Variants in WWOX observed in about 807,000 individuals in gnomAD.
WWOX encodes the protein WW domain containing oxidoreductase.
In WWOX, 69 loss-of-function variants were observed where a neutral mutation model predicts 46.2. That is an observed-to-expected ratio of 1.49 (90% CI 1.23 to 1.82). WWOX has a LOEUF of 1.82. Ranked by LOEUF, WWOX falls within the 40% of genes most tolerant of loss-of-function variation. The probability of loss-of-function intolerance (pLI) is 0.00; values close to 1 mark genes in which losing one functional copy is unlikely to be tolerated. For missense variants in WWOX, 919 were observed against 542.6 expected, an observed-to-expected ratio of 1.69 and a Z score of -6.89; for synonymous variants, 359 against 202.6, an observed-to-expected ratio of 1.77 and a Z score of -6.56.
intron 8 of WWOX, among the ~76,000 whole-genome samples, chr16:78,939,586 C>T (rs1279341514): frequency 6.6e-6 from 1 of 152,154 alleles, no homozygotes; most frequent in East Asian, 1.9e-4. Flanking sequence ...TATATGGCTA[C>T]TGAAATGGCT....
intron 5 of WWOX, among the ~76,000 whole-genome samples, chr16:78,219,304 G>A (rs12449031): frequency 0.23 from 34,586 of 152,008 alleles, 4,146 homozygotes; most frequent in Admixed American, 0.31. Context: ...TGAGTGTTTT[G>A]CTCTTCTTGT....
At chr16:78,226,402 G>A (rs959032688) in intron 5 of WWOX, among the ~76,000 whole-genome samples, 4 of 150,074 alleles carry the variant, frequency 2.7e-5, no homozygotes, top group Non-Finnish European at 4.4e-5. Context: ...TTTTTTTTCT[G>A]ATGCTGCCTA....
At chr16:78,623,584 G>C (rs1335221464) in intron 8 of WWOX, among the ~76,000 whole-genome samples, 1 of 152,068 alleles carries the variant, frequency 6.6e-6, no homozygotes, top group East Asian at 1.9e-4. Flanking sequence ...AGAGGCTGAG[G>C]GATGAGAATC....
chr16:78,381,439 T>C (rs184246737), intron 5 of WWOX, among the ~76,000 whole-genome samples: 1,641 of 141,568 alleles, frequency 0.012, 28 homozygotes, highest in African/African-American at 0.038. Flanking sequence ...GGTTGTTTGA[T>C]TATGACCTTC....
At chr16:78,524,234 T>C (rs1173050207) in intron 8 of WWOX, among the ~76,000 whole-genome samples, 2 of 152,174 alleles carry the variant, frequency 1.3e-5, no homozygotes, top group African/African-American at 2.4e-5. Context: ...CTAAAGGCAC[T>C]TGTCATGGTG....
At chr16:78,652,595 C>A (rs2046991794) in intron 8 of WWOX, among the ~76,000 whole-genome samples, 1 of 152,068 alleles carries the variant, frequency 6.6e-6, no homozygotes, top group Admixed American at 6.6e-5. Flanking sequence ...CGGGGTCTCC[C>A]TGTGTTACCT....
At chr16:78,887,294 G>C (rs2044485245) in intron 8 of WWOX, among the ~76,000 whole-genome samples, 2 of 151,854 alleles carry the variant, frequency 1.3e-5, no homozygotes, top group South Asian at 4.2e-4. Flanking sequence ...GATTTCTCCT[G>C]ACTCTCTATG....
chr16:78,845,159 C>G lies in WWOX; in HGVS notation c.1057-366449C>G, dbSNP rs143707646. ...TTTTTTTTTTTTTTTAATCAAATAC[C>G]AAAGTACTTCTATGGACTGGTCTTA... On this transcript the variant is annotated intron_variant, in intron 8 of 8. Coordinates refer to ENST00000566780, the MANE Select transcript of WWOX (RefSeq NM_016373.4). Among the ~76,000 whole-genome samples, 926 of 144,716 alleles carry G rather than the reference C, an allele frequency of 6.4e-3. 16 individuals carry two copies. The highest frequency in any genetic ancestry group is 0.022 in the African/African-American group (860 of 39,236). 94.9% of individuals were successfully genotyped at this position (144,716 alleles called of 152,430 possible).
intron 8 of WWOX, among the ~76,000 whole-genome samples, chr16:78,966,573 T>C (rs535894685): frequency 6.6e-6 from 1 of 152,310 alleles, no homozygotes; most frequent in South Asian, 2.1e-4. Context: ...TTTTCCTTAC[T>C]ATAAGTAAGG....
chr16:78,624,742 C>T (rs999845375), intron 8 of WWOX, among the ~76,000 whole-genome samples: 32 of 152,308 alleles, frequency 2.1e-4, no homozygotes, highest in African/African-American at 7.5e-4. Context: ...AATTCTCCAG[C>T]ACCCTGGCTG....
chr16:79,001,640 A>T (rs1264961287), intron 8 of WWOX, among the ~76,000 whole-genome samples: 1 of 151,420 alleles, frequency 6.6e-6, no homozygotes, highest in Non-Finnish European at 1.5e-5. Flanking sequence ...ACTCTATATT[A>T]TGTGGGAAAA....
rs538409623 is a variant in WWOX, at chr16:79,078,583, G to C, written c.1057-133025G>C. Among the ~76,000 whole-genome samples, 72 of 152,302 alleles carry C rather than the reference G, an allele frequency of 4.7e-4. 1 individual carries two copies. Among genetic ancestry groups the C allele is most frequent in the Middle Eastern group, 3.4e-3 (1 of 294 alleles). On this transcript the variant is annotated intron_variant, in intron 8 of 8. Transcript: ENST00000566780. ...CATTCATTAAGCATCCCTCGCCATA[G>C]GAGAATCTGAGTTCCTGGGAGCATT...
intron 8 of WWOX, among the ~76,000 whole-genome samples, chr16:78,901,059 T>G (rs1597126242): frequency 6.6e-6 from 1 of 152,166 alleles, no homozygotes; most frequent in African/African-American, 2.4e-5. Context: ...ACCCAACCCT[T>G]GTATCAGAGT....
intron 8 of WWOX, among the ~76,000 whole-genome samples, chr16:78,742,891 A>T (rs1218258534): frequency 2.0e-5 from 3 of 152,082 alleles, no homozygotes; most frequent in African/African-American, 7.2e-5. Context: ...GGTCTGGTCA[A>T]GGAAAGGGCC....
chr16:78,435,779 A>G (rs2083321519), intron 8 of WWOX, among the ~76,000 whole-genome samples: 1 of 152,206 alleles, frequency 6.6e-6, no homozygotes, highest in African/African-American at 2.4e-5. Flanking sequence ...GACCACTGGA[A>G]CAACTTAGAC....
Position 78,728,017 on chromosome 16 carries a change from A to G in WWOX, c.1056+295265A>G, listed in dbSNP as rs540583656. Among the ~76,000 whole-genome samples, 7 of 151,048 alleles carry G rather than the reference A, an allele frequency of 4.6e-5. No individual in the cohort carries two copies. The South Asian group carries it at 1.3e-3, about 27-fold the overall frequency. ...AGTAAGAAACCTATTACAAGTGAAC[A>G]TAGATAACTCCCTTCCTCTTTCCTC... On this transcript the variant is annotated intron_variant, in intron 8 of 8. Transcript: ENST00000566780.
intron 8 of WWOX, among the ~76,000 whole-genome samples, chr16:78,722,179 G>C (rs2048708410): frequency 1.3e-5 from 2 of 152,186 alleles, no homozygotes; most frequent in South Asian, 2.1e-4. Flanking sequence ...TGTCTGTCCA[G>C]TAGAGGACAC....
chr16:78,480,561 T>G (rs1455310834), intron 8 of WWOX, among the ~76,000 whole-genome samples: 1 of 152,204 alleles, frequency 6.6e-6, no homozygotes, highest in Non-Finnish European at 1.5e-5. Context: ...AGAGTAGGGA[T>G]TCCAGCTCAG....
At chr16:79,179,030 C>T (rs1049522918) in intron 8 of WWOX, among the ~76,000 whole-genome samples, 9 of 152,124 alleles carry the variant, frequency 5.9e-5, no homozygotes, top group South Asian at 2.1e-4. Flanking sequence ...TGTGCTAAAC[C>T]TGGCCCTGCC....
Sources: gnomAD v4.1 joint callset for allele counts (sites outside exome capture counted in the v4.1 genomes callset) on GRCh38, gnomAD v4.1.1 for gene constraint, MANE v1.5 for transcripts, NCBI Gene and HGNC (gene_info 2026-07-23, HGNC 2026-07-21) for gene names.